FMN2: variants seen among roughly 807,000 people sequenced by gnomAD.
FMN2 encodes formin-2.
A neutral mutation model predicts 142.3 loss-of-function variants in FMN2; 51 were observed. The ratio of observed to expected loss-of-function variants is 0.36; its 90% CI spans 0.29 to 0.45. The LOEUF (loss-of-function observed/expected upper bound fraction) is 0.45. Ranked by LOEUF, FMN2 falls within the 20% of genes least tolerant of loss-of-function variation. The probability of loss-of-function intolerance (pLI) is 1.00; values close to 1 mark genes in which losing one functional copy is unlikely to be tolerated. For synonymous variants in FMN2, 882 were observed against 869.8 expected (o/e 1.01, Z -0.25); for missense variants, 1,936 against 2,122.8 (o/e 0.91, Z 1.73).
chr1:240,362,269 A>G (rs1381891913), intron 14 of FMN2, among the ~76,000 whole-genome samples: 1 of 152,200 alleles, frequency 6.6e-6, no homozygotes, highest in Non-Finnish European at 1.5e-5. Flanking sequence ...AAGAAACCAT[A>G]TGTGACATAG....
intron 3 of FMN2, among the ~76,000 whole-genome samples, chr1:240,182,487 AC>A (rs1233798154): frequency 6.6e-6 from 1 of 152,142 alleles, no homozygotes; most frequent in African/African-American, 2.4e-5. Context: ...GAAACAAAGA[AC>A]CATGGCAGAA....
intron 15 of FMN2, among the ~76,000 whole-genome samples, chr1:240,406,020 G>A (rs1674147579): frequency 6.7e-6 from 1 of 148,150 alleles, no homozygotes; most frequent in Admixed American, 6.7e-5. Flanking sequence ...AGTGGGGGAA[G>A]CGAAGGGAAG....
In FMN2 at chr1:240,379,772, C is replaced by T. The variant is rs531472141; in HGVS notation, c.4859-12739C>T. ...ATTAAGTTCAATTAAGTGGAAGTTC[C>T]ACTTCAATTAAGTTGATAAAGGATC... On this transcript the variant is annotated intron_variant, in intron 14 of 17. Transcript: ENST00000319653. Among the ~76,000 whole-genome samples, 18 of 152,046 alleles carry T rather than the reference C, an allele frequency of 1.2e-4. No homozygotes were observed. In the South Asian group the frequency reaches 3.5e-3, roughly 30 times the overall value.
intron 13 of FMN2, among the ~76,000 whole-genome samples, chr1:240,340,189 G>A (rs1041946916): frequency 6.6e-6 from 1 of 151,974 alleles, no homozygotes; most frequent in African/African-American, 2.4e-5. Context: ...TAACATTTAT[G>A]AATATATTTA....
At chr1:240,375,944 T>G (rs1335678815) in intron 14 of FMN2, among the ~76,000 whole-genome samples, 1 of 152,198 alleles carries the variant, frequency 6.6e-6, no homozygotes, top group African/African-American at 2.4e-5. Flanking sequence ...AATTTTGTCT[T>G]TCTTTCATTT....
In FMN2 at chr1:240,183,773, A is replaced by G. The variant is rs146306051; in HGVS notation, c.1931-4434A>G. ...CTTCATTTGTGGAAAGACATGGTAT[A>G]TCAGAATTAAAAACATCTTGCATTT... On this transcript the variant is annotated intron_variant, in intron 3 of 17. Transcript: ENST00000319653. 4.6e-3 allele frequency among the ~76,000 whole-genome samples: 694 copies of G among 152,238 alleles called. 9 individuals carry two copies. The highest frequency in any genetic ancestry group is 0.016 in the African/African-American group (647 of 41,572).
At chr1:240,268,553 G>C (rs1226925144) in intron 7 of FMN2, among the ~76,000 whole-genome samples, 4 of 151,998 alleles carry the variant, frequency 2.6e-5, no homozygotes, top group Non-Finnish European at 5.9e-5. Context: ...TGAAGGTAGT[G>C]GGGGAAGAAG....
intron 13 of FMN2, among the ~76,000 whole-genome samples, chr1:240,355,266 A>G (rs1672225249): frequency 1.3e-5 from 2 of 152,190 alleles, no homozygotes; most frequent in Admixed American, 6.5e-5. Context: ...TCTGACATGT[A>G]ATAGATGCTC....
intron 8 of FMN2, among the ~76,000 whole-genome samples, chr1:240,323,559 G>A (rs1399716386): frequency 6.6e-6 from 1 of 152,142 alleles, no homozygotes; most frequent in Non-Finnish European, 1.5e-5. Flanking sequence ...TTTATGGGCA[G>A]TAACCTCACT....
chr1:240,121,936 A>G (rs925381409), intron 1 of FMN2, among the ~76,000 whole-genome samples: 1 of 151,680 alleles, frequency 6.6e-6, no homozygotes, highest in East Asian at 1.9e-4. Context: ...TGTCCCCGCC[A>G]TGATGGACAC....
intron 13 of FMN2, among the ~76,000 whole-genome samples, chr1:240,349,646 G>T (rs971746371): frequency 2.0e-5 from 3 of 152,200 alleles, no homozygotes; most frequent in Admixed American, 2.0e-4. Context: ...CCATTGTCTG[G>T]TGGGAATGTC....
At chr1:240,446,147 A>T (rs1001412043) in intron 16 of FMN2, among the ~76,000 whole-genome samples, 2 of 152,228 alleles carry the variant, frequency 1.3e-5, no homozygotes, top group Non-Finnish European at 2.9e-5. Context: ...TGTAAAATTT[A>T]GTTCTTTTTA....
chr1:240,148,959 G>C (rs937086736), intron 2 of FMN2, among the ~76,000 whole-genome samples: 2 of 133,940 alleles, frequency 1.5e-5, no homozygotes, highest in Non-Finnish European at 3.2e-5. Context: ...GTGACAGAGC[G>C]AGACTCCGTC....
At chr1:240,220,137 C>T (rs1379472460) in intron 6 of FMN2, among the ~76,000 whole-genome samples, 2 of 152,108 alleles carry the variant, frequency 1.3e-5, no homozygotes, top group South Asian at 2.1e-4. Flanking sequence ...AACAACTTAA[C>T]TGGTGAGAAT....
chr1:240,202,664 A>ATGT (rs1421865054), intron 4 of FMN2, among the ~76,000 whole-genome samples: 1 of 151,952 alleles, frequency 6.6e-6, no homozygotes, highest in East Asian at 1.9e-4. Context: ...AAGTCTTGTT[A>ATGT]TGTTGCCCAT....
intron 6 of FMN2, among the ~76,000 whole-genome samples, chr1:240,220,720 ATTTTC>A (rs1414851806): frequency 3.3e-5 from 5 of 150,198 alleles, no homozygotes; most frequent in African/African-American, 7.4e-5. Context: ...TTATTTATTT[ATTTTC>A]TTTTATTATA....
intron 2 of FMN2, among the ~76,000 whole-genome samples, chr1:240,145,781 A>C (rs1663437143): frequency 6.6e-6 from 1 of 151,982 alleles, no homozygotes; most frequent in Non-Finnish European, 1.5e-5. Context: ...AAGTGCTGGA[A>C]TCACAGGTAT....
chr1:240,093,576 A>G lies in FMN2; in HGVS notation c.1467A>G (p.Leu489=). ...GCTCGGCTGACTGGACGGAGGAGCT[A>G]GGCGCCCGCACGCCCCGGGTGGGAG... ...LSRSADWTEE[L]GARTPRVGGS... is the part of the protein sequence containing the mutation. The change falls in exon 1 of 18, where the codon CTA becomes CTG. Residue 489 remains leucine, a synonymous_variant. Transcript: ENST00000319653. 1.4e-6 allele frequency: 2 copies of G among 1,457,992 alleles called. No homozygotes were observed. The highest frequency in any genetic ancestry group is 1.8e-6 in the Non-Finnish European group (2 of 1,115,128). 90.3% of individuals were successfully genotyped at this position (1,457,992 alleles called of 1,614,324 possible).
At chr1:240,290,315 A>G (rs1558414796) in intron 7 of FMN2, among the ~76,000 whole-genome samples, 1 of 152,182 alleles carries the variant, frequency 6.6e-6, no homozygotes, top group Non-Finnish European at 1.5e-5. Context: ...CAACAATGAC[A>G]TTGGATCTTA....
Sources: allele counts gnomAD v4.1 joint callset (sites outside exome capture counted in the v4.1 genomes callset), GRCh38; gene constraint gnomAD v4.1.1; transcripts MANE v1.5; gene names NCBI Gene and HGNC (gene_info 2026-07-23, HGNC 2026-07-21).